AGBL5: variants seen among roughly 807,000 people sequenced by gnomAD.
AGBL5 encodes cytosolic carboxypeptidase-like protein 5.
A neutral mutation model predicts 88.0 loss-of-function variants in AGBL5; 51 were observed. The observed-to-expected ratio is 0.58, with a 90% CI of 0.46 to 0.73. AGBL5 has a LOEUF of 0.73. Ranked by LOEUF, AGBL5 falls within the 30% of genes least tolerant of loss-of-function variation. AGBL5 has a pLI of 0.00. For missense variants in AGBL5, 1,031 were observed against 1,162.2 expected (o/e 0.89, Z 1.64); for synonymous variants, 446 against 438.8 (o/e 1.02, Z -0.21).
At chr2:27,051,654 T>G (rs1179771481), upstream of AGBL5, 1 of 152,248 alleles carries the variant, frequency 6.6e-6, no homozygotes, top group African/African-American at 2.4e-5. Flanking sequence ...GCGAGAGACT[T>G]CTTGTTTCCT....
chr2:27,066,757 C>A (rs1669007396), intron 11 of AGBL5, among the ~76,000 whole-genome samples: 1 of 151,616 alleles, frequency 6.6e-6, no homozygotes, highest in African/African-American at 2.4e-5. Flanking sequence ...CCAGCCTGGG[C>A]AACATGGCAA....
At chr2:27,069,463 T>C in intron 13 of AGBL5, 110 bp from the exon 14 acceptor site, 3 of 1,532,068 alleles carry the variant, frequency 2.0e-6, no homozygotes, top group Non-Finnish European at 2.6e-6. Flanking sequence ...CCAGTACCTC[T>C]ACTGATCCCT....
intron 6 of AGBL5, 82 bp from the exon 7 acceptor site, chr2:27,055,600 A>T: frequency 7.8e-7 from 1 of 1,288,012 alleles, no homozygotes; most frequent in Non-Finnish European, 1.1e-6. Flanking sequence ...TCAGTCTCCT[A>T]CGGTCTCCTT....
chr2:27,069,627 T>C lies in AGBL5; in HGVS notation c.2410T>C (p.Ser804Pro), dbSNP rs751453187. 4 of 1,614,120 alleles carry C rather than the reference T, an allele frequency of 2.5e-6. No individual in the cohort carries two copies. The South Asian group carries it at 3.3e-5, about 13-fold the overall frequency. The change falls in exon 14 of 15, where the codon TCT becomes CCT. Residue 804 changes from serine to proline, a missense_variant. Transcript: ENST00000360131. ...SPPTRRGMKG[S>P]SGPTSPTPRT... Reference sequence around the variant, plus strand: ...GCCGACTCGCAGAGGGATGAAAGGCTCTTCAGGCCCCACATCCCCTACCCC... The same window carrying C: ...GCCGACTCGCAGAGGGATGAAAGGCCCTTCAGGCCCCACATCCCCTACCCC...
intron 11 of AGBL5, among the ~76,000 whole-genome samples, chr2:27,066,553 A>T (rs1668998463): frequency 6.6e-6 from 1 of 152,200 alleles, no homozygotes; most frequent in Non-Finnish European, 1.5e-5. Flanking sequence ...AAGACTTGAC[A>T]TTTAAGGGGC....
Position 27,069,584 on chromosome 2 carries a change from G to A in AGBL5, c.2367G>A (p.Arg789=), listed in dbSNP as rs754732152. 6.2e-7 allele frequency: 1 copy of A among 1,614,040 alleles called. No homozygotes were observed. Among genetic ancestry groups the A allele is most frequent in the Non-Finnish European group, 8.5e-7 (1 of 1,179,906 alleles). The change falls in exon 14 of 15, where the codon AGG becomes AGA. Residue 789 remains arginine, a synonymous_variant. Coordinates refer to ENST00000360131, the MANE Select transcript of AGBL5 (RefSeq NM_021831.6). ...CIKTRLQARP[R]LGRGSPPTRR... ...CCCTGTCCACACAGGCTAGGCCCAG[G>A]TTGGGCCGGGGCTCACCGCCGACTC...
At chr2:27,050,966 G>C (rs1488755121), upstream of AGBL5, 1 of 152,278 alleles carries the variant, frequency 6.6e-6, no homozygotes, top group East Asian at 1.9e-4. Context: ...ACTGCCGTCA[G>C]TCCATAGGGA....
intron 7 of AGBL5, 21 bp downstream of exon 7, chr2:27,056,159 A>C: frequency 1.2e-6 from 2 of 1,601,080 alleles, no homozygotes; most frequent in Non-Finnish European, 1.7e-6. Flanking sequence ...TAAGAATGTC[A>C]TGTGAGTGTG....
chr2:27,062,024 G>A (rs530497373), intron 11 of AGBL5, among the ~76,000 whole-genome samples: 19 of 151,920 alleles, frequency 1.3e-4, no homozygotes, highest in Admixed American at 1.0e-3. Flanking sequence ...ATGTTCGCTA[G>A]GCTGGTCTTG....
At chr2:27,060,740 A>G (rs922391814) in intron 11 of AGBL5, among the ~76,000 whole-genome samples, 2 of 152,260 alleles carry the variant, frequency 1.3e-5, no homozygotes, top group African/African-American at 4.8e-5. Context: ...CAACTTGATT[A>G]TCTGCTTCCA....
At chr2:27,067,009 G>T (rs906321966) in intron 11 of AGBL5, among the ~76,000 whole-genome samples, 1 of 152,110 alleles carries the variant, frequency 6.6e-6, no homozygotes, top group Non-Finnish European at 1.5e-5. Context: ...CTTGAACCCG[G>T]GAGGCGGAGG....
intron 9 of AGBL5, 29 bp from the exon 10 acceptor site, chr2:27,058,371 A>G: frequency 1.2e-6 from 2 of 1,611,886 alleles, no homozygotes; most frequent in Non-Finnish European, 8.5e-7. Context: ...GAGGACCAGC[A>G]TGCTGAGCCA....
chr2:27,067,722 G>GGGAGGCCAGGTTCTTTAAGCCTAGTTA, intron 12 of AGBL5, 76 bp downstream of exon 12: 1 of 1,518,930 alleles, frequency 6.6e-7, no homozygotes, highest in Non-Finnish European at 9.1e-7. Context: ...AAGCCTAGTT[G>GGGAGGCCAGGTTCTTTAAGCCTAGTTA]GGAGACCAGG....
chr2:27,053,048 T>A lies in AGBL5; in HGVS notation c.90T>A (p.Ser30Arg). 2 of 1,613,800 alleles carry A rather than the reference T, an allele frequency of 1.2e-6. No homozygotes were observed. The highest frequency in any genetic ancestry group is 1.7e-6 in the Non-Finnish European group (2 of 1,179,882). Residue 30 changes from serine (S) to arginine (R), a missense_variant, in exon 2 of 15, where the codon AGT (serine) becomes AGA (arginine). Physicochemically the swap from Ser to Arg is moderately radical, Grantham distance 110. Transcript: ENST00000360131. This position sits in a 1 kb window ranked among gnomAD's most constrained non-coding sequence, Gnocchi z 4.9. ...AHVEKVESLS[S>R]DGEGVGGGAS... is the part of the protein sequence containing the mutation. ...TGGAGAAGGTGGAATCTTTGTCCAG[T>A]GATGGGGAAGGGGTAGGAGGTGGGG... is the stretch of plus-strand genomic sequence containing the variant.
intron 4 of AGBL5, 110 bp downstream of exon 4, chr2:27,054,169 TC>T: frequency 7.4e-7 from 1 of 1,358,568 alleles, no homozygotes; most frequent in Non-Finnish European, 1.0e-6. Context: ...CCGTCTTTTT[TC>T]TGTACAGAAT....
At chr2:27,055,564 A>G (rs1668384047) in intron 6 of AGBL5, 118 bp from the exon 7 acceptor site, 2 of 974,850 alleles carry the variant, frequency 2.1e-6, no homozygotes, top group South Asian at 3.4e-5. Context: ...CTTTCCTAAC[A>G]TAGCTTCAGC....
At position 27,056,616 on chromosome 2, in the gene AGBL5, CA is replaced by C; in HGVS notation, c.1366-4del. ...TCCTTCTGAGTTGACTTTTCTTCCC[CA>C]AACAGGTGGAAAACATGCTATATCC... On this transcript the variant is annotated splice_polypyrimidine_tract_variant and splice_region_variant and intron_variant, in intron 7 of 14. Transcript: ENST00000360131. 6.3e-7 allele frequency: 1 copy of C among 1,589,708 alleles called. No homozygotes were observed. The highest frequency in any genetic ancestry group is 1.3e-5 in the African/African-American group (1 of 74,370).
chr2:27,054,704 C>T lies in AGBL5; in HGVS notation c.626C>T (p.Thr209Met), dbSNP rs760138006. The T allele has an allele frequency of 6.5e-6, 10 of 1,542,812 alleles. No individual in the cohort carries two copies. Among genetic ancestry groups the T allele is most frequent in the Non-Finnish European group, 7.9e-6 (9 of 1,143,616 alleles). Residue 209 changes from threonine (T) to methionine (M), a missense_variant, in exon 5 of 15, where the codon ACG becomes ATG. Thr to Met is a moderately conservative substitution (Grantham distance 81). Coordinates refer to ENST00000360131, the MANE Select transcript of AGBL5 (RefSeq NM_021831.6). ...GATGGACTTCGTGTAGATCTGCTGACGATCACTTCCTGCCATGGGCTTCGA... is the reference window on the plus strand; with the variant it reads ...GATGGACTTCGTGTAGATCTGCTGATGATCACTTCCTGCCATGGGCTTCGA... ...SLDGLRVDLL[T>M]ITSCHGLRED...
At chr2:27,068,853 C>T in intron 13 of AGBL5, 109 bp downstream of exon 13, 1 of 1,525,732 alleles carries the variant, frequency 6.6e-7, no homozygotes, top group Non-Finnish European at 8.8e-7. Flanking sequence ...TGCATCTACC[C>T]TTGGCCACAT....
Sources: gnomAD v4.1 joint callset for allele counts (sites outside exome capture counted in the v4.1 genomes callset) on GRCh38, gnomAD v4.1.1 for gene constraint, Gnocchi (gnomAD v3.1) non-coding constraint, MANE v1.5 for transcripts, NCBI Gene and HGNC (gene_info 2026-07-23, HGNC 2026-07-21) for gene names.